The following NCKAP5 variants were observed in gnomAD, a reference collection of about 807,000 sequenced individuals.
NCKAP5 encodes the protein nck-associated protein 5.
In NCKAP5, 92 loss-of-function variants were observed where a neutral mutation model predicts 167.0. The observed-to-expected ratio is 0.55, with a 90% CI of 0.47 to 0.66. NCKAP5 has a LOEUF of 0.66. NCKAP5 is among the 30% of genes least tolerant of loss of function. NCKAP5 has a pLI of 0.00. For missense variants in NCKAP5, 2,378 were observed against 2,315.0 expected (o/e 1.03, Z -0.56); for synonymous variants, 891 against 877.4 (o/e 1.02, Z -0.27).
intron 5 of NCKAP5, among the ~76,000 whole-genome samples, chr2:133,131,263 C>T (rs548515812): frequency 6.6e-5 from 10 of 152,230 alleles, no homozygotes; most frequent in East Asian, 1.9e-4. Context: ...TTTGTTCCAG[C>T]GTGAAAAGCT....
intron 19 of NCKAP5, among the ~76,000 whole-genome samples, chr2:132,673,639 G>GT (rs1170477596): frequency 5.3e-5 from 8 of 152,032 alleles, no homozygotes; most frequent in Non-Finnish European, 1.0e-4. Flanking sequence ...TCCTTGCTAA[G>GT]TATTAGCTGT....
the NCKAP5 span, among the ~76,000 whole-genome samples, chr2:133,601,408 T>C: frequency 6.6e-6 from 1 of 152,228 alleles, no homozygotes; most frequent in South Asian, 2.1e-4. Flanking sequence ...TCTAGGCATT[T>C]GGAATACACT....
the NCKAP5 span, among the ~76,000 whole-genome samples, chr2:133,582,000 C>T: frequency 1.3e-5 from 2 of 152,160 alleles, no homozygotes; most frequent in Admixed American, 6.5e-5. Flanking sequence ...AAAGATATGA[C>T]ACCACGTCCT....
chr2:132,687,504 T>C (rs562202021), intron 19 of NCKAP5, among the ~76,000 whole-genome samples: 1 of 152,262 alleles, frequency 6.6e-6, no homozygotes, highest in East Asian at 1.9e-4. Context: ...GCCATGTATA[T>C]CTATAGTTCT....
intron 11 of NCKAP5, among the ~76,000 whole-genome samples, chr2:132,851,555 G>A (rs1473710765): frequency 6.6e-6 from 1 of 152,152 alleles, no homozygotes; most frequent in East Asian, 1.9e-4. Flanking sequence ...GGGCTGCACG[G>A]GGCTTCAGTG....
At chr2:133,329,889 T>C (rs1017399524) in intron 3 of NCKAP5, among the ~76,000 whole-genome samples, 2 of 152,034 alleles carry the variant, frequency 1.3e-5, no homozygotes, top group Non-Finnish European at 2.9e-5. Flanking sequence ...TGAGAGATTC[T>C]TCTGGTTTGT....
At chr2:132,899,051 A>G (rs1253840408) in intron 8 of NCKAP5, among the ~76,000 whole-genome samples, 2 of 152,172 alleles carry the variant, frequency 1.3e-5, no homozygotes, top group East Asian at 1.9e-4. Context: ...TCTTCTTCCA[A>G]TATAAGATTG....
chr2:133,270,690 TC>T (rs919787174), intron 4 of NCKAP5, among the ~76,000 whole-genome samples: 4 of 152,168 alleles, frequency 2.6e-5, no homozygotes, highest in Non-Finnish European at 5.9e-5. Context: ...TTGGTTGCTT[TC>T]CACAACCAAT....
the NCKAP5 span, among the ~76,000 whole-genome samples, chr2:133,653,792 G>A: frequency 2.0e-5 from 3 of 152,096 alleles, no homozygotes; most frequent in Non-Finnish European, 2.9e-5. Flanking sequence ...ATGCTTCTGT[G>A]GAAATTAGCC....
At chr2:133,358,062 C>T (rs1395771953) in intron 3 of NCKAP5, among the ~76,000 whole-genome samples, 1 of 152,194 alleles carries the variant, frequency 6.6e-6, no homozygotes, top group Non-Finnish European at 1.5e-5. Flanking sequence ...CCCATTAAGA[C>T]TTATCAAGTC....
In NCKAP5 at chr2:132,672,968, C is replaced by G; in HGVS notation, c.*321G>C. On this transcript the variant is annotated 3_prime_UTR_variant, in exon 20 of 20. Coordinates refer to ENST00000409261, the MANE Select transcript of NCKAP5 (RefSeq NM_207363.3). ...TATCAAGCGGTGCACCCCCCACCCC[C>G]CACCCATCATTTCTTAAGCGCTCCA... is the stretch of plus-strand genomic sequence containing the variant. The G allele has an allele frequency of 7.1e-6, 1 of 141,822 alleles. No individual in the cohort carries two copies. Among genetic ancestry groups the G allele is most frequent in the Non-Finnish European group, 1.2e-5 (1 of 85,108 alleles). 8.8% of individuals were successfully genotyped at this position (141,822 alleles called of 1,614,324 possible). A position where few individuals can be genotyped will look rare whatever the true frequency, so the allele number is the denominator to read the frequency against.
intron 3 of NCKAP5, among the ~76,000 whole-genome samples, chr2:133,465,105 CCACT>C: frequency 6.6e-6 from 1 of 150,848 alleles, no homozygotes; most frequent in Middle Eastern, 3.4e-3. Flanking sequence ...TGTGCTGTAC[CCACT>C]AACTCGTCAT....
intron 8 of NCKAP5, among the ~76,000 whole-genome samples, chr2:132,963,429 C>A (rs1350272362): frequency 6.6e-6 from 1 of 152,134 alleles, no homozygotes; most frequent in East Asian, 1.9e-4. Context: ...TATCACATAG[C>A]CTCTTCCCCC....
intron 3 of NCKAP5, among the ~76,000 whole-genome samples, chr2:133,445,713 C>T (rs974810947): frequency 6.6e-6 from 1 of 151,860 alleles, no homozygotes; most frequent in African/African-American, 2.4e-5. Context: ...TTTGGCAGCA[C>T]AGGGAGAGTA....
chr2:132,859,952 T>TA (rs142069943), intron 11 of NCKAP5, among the ~76,000 whole-genome samples: 6,899 of 150,696 alleles, frequency 0.046, 176 homozygotes, highest in East Asian at 0.1. Context: ...TGAAGGCAAG[T>TA]AAAAAAAAAT....
At position 133,059,338 on chromosome 2, in the gene NCKAP5, A is replaced by T. The variant is rs543634168; in HGVS notation, c.342-65099T>A. 5.3e-5 allele frequency among the ~76,000 whole-genome samples: 8 copies of T among 152,252 alleles called. No individual in the cohort carries two copies. The South Asian group carries it at 1.7e-3, about 32-fold the overall frequency. On this transcript the variant is annotated intron_variant, in intron 6 of 19. Coordinates refer to ENST00000409261, the MANE Select transcript of NCKAP5 (RefSeq NM_207363.3). ...ATATATTCTGATATGCTAAAGGCCC[A>T]GATGATTGTTAGCATTTTTTAGCAA...
At position 133,112,270 on chromosome 2, in the gene NCKAP5, C is replaced by T. The variant is rs562007179; in HGVS notation, c.341+17708G>A. ...CAGGTGGATCACGAGGTCAGGAGAT[C>T]GAGACCATCCTGGCTAACACGGTGA... On this transcript the variant is annotated intron_variant, in intron 6 of 19. Coordinates refer to ENST00000409261, the MANE Select transcript of NCKAP5 (RefSeq NM_207363.3). Among the ~76,000 whole-genome samples the T allele has an allele frequency of 7.2e-5, 11 of 152,122 alleles. No homozygotes were observed. The East Asian group carries it at 2.1e-3, about 30-fold the overall frequency.
chr2:133,666,997 G>T, the NCKAP5 span, among the ~76,000 whole-genome samples: 1 of 151,974 alleles, frequency 6.6e-6, no homozygotes, highest in African/African-American at 2.4e-5. Context: ...AAATGGAGAG[G>T]CATGCAATCT....
intron 4 of NCKAP5, among the ~76,000 whole-genome samples, chr2:133,277,239 A>G (rs930363690): frequency 4.6e-5 from 7 of 152,150 alleles, no homozygotes; most frequent in Admixed American, 3.9e-4. Context: ...GCAAGTAAAA[A>G]CTGTATTTGT....
Sources: gnomAD v4.1 joint callset for allele counts (sites outside exome capture counted in the v4.1 genomes callset) on GRCh38, gnomAD v4.1.1 for gene constraint, MANE v1.5 for transcripts, NCBI Gene and HGNC (gene_info 2026-07-23, HGNC 2026-07-21) for gene names.